Variants in RELT observed in about 807,000 individuals in gnomAD.
RELT encodes tumor necrosis factor receptor superfamily member 19L.
A neutral mutation model predicts 51.1 loss-of-function variants in RELT; 37 were observed. The ratio of observed to expected loss-of-function variants is 0.72; its 90% CI spans 0.56 to 0.95. RELT has a LOEUF of 0.95. RELT is among the 40% of genes least tolerant of loss of function. The probability of loss-of-function intolerance (pLI) is 0.00; values close to 1 mark genes in which losing one functional copy is unlikely to be tolerated. For synonymous variants in RELT, 241 were observed against 235.7 expected (o/e 1.02, Z -0.21); for missense variants, 535 against 572.6 (o/e 0.93, Z 0.67).
chr11:73,394,643 G>A lies in RELT; in HGVS notation c.955G>A (p.Val319Ile). ...TGAGGCTGTAGCCGCCACTACTCCT[G>A]TTCCCAGCCTTCTGCCTAACCCGAC... ...SPEAVAATTP[V>I]PSLLPNPTRV... The change falls in exon 9 of 11, where the codon GTT (valine) becomes ATT (isoleucine). Residue 319 changes from valine to isoleucine, a missense_variant. Physicochemically the swap from Val to Ile is conservative, Grantham distance 29 (BLOSUM62 3). Transcript: ENST00000064780. This position sits in a 1 kb window ranked among gnomAD's most constrained non-coding sequence, Gnocchi z 4.9. 2 of 1,613,842 alleles carry A rather than the reference G, an allele frequency of 1.2e-6. No individual in the cohort carries two copies. The highest frequency in any genetic ancestry group is 2.7e-5 in the African/African-American group (2 of 75,070).
chr11:73,378,638 G>A (rs960461254), intron 1 of RELT, among the ~76,000 whole-genome samples: 14 of 152,202 alleles, frequency 9.2e-5, no homozygotes, highest in South Asian at 4.1e-4. Context: ...GCTAGTAGGC[G>A]TGGCCTAGCC....
intron 1 of RELT, among the ~76,000 whole-genome samples, chr11:73,381,797 G>C (rs56931627): frequency 1.3e-5 from 2 of 152,146 alleles, no homozygotes; most frequent in African/African-American, 4.8e-5. Context: ...GCCTGTACAG[G>C]GGCTGGGACA....
In RELT at chr11:73,392,212, G is replaced by A. The variant is rs374050650; in HGVS notation, c.369G>A (p.Glu123=). The change falls in exon 6 of 11, where the codon GAG becomes GAA. Residue 123 remains glutamate, a splice_region_variant and synonymous_variant. Transcript: ENST00000064780. The part of the protein sequence containing the change: ...WAPLGTHGCD[E]WGRRARRGVE... ...GCCTCCATCGTCTGTGATGCTCAGA[G>A]TGGGGGCGGCGGGCCCGACGTGGCG... The A allele has an allele frequency of 6.2e-7, 1 of 1,611,020 alleles. No homozygotes were observed. The highest frequency in any genetic ancestry group is 8.5e-7 in the Non-Finnish European group (1 of 1,178,612).
chr11:73,381,493 G>A (rs1353830621), intron 1 of RELT, among the ~76,000 whole-genome samples: 1 of 152,158 alleles, frequency 6.6e-6, no homozygotes. Flanking sequence ...AATCAAGGGA[G>A]ACTGAAAACT....
Position 73,379,200 on chromosome 11 carries a change from C to G in RELT, c.-26+2701C>G, listed in dbSNP as rs80215789. Among the ~76,000 whole-genome samples the G allele has an allele frequency of 5.8e-3, 876 of 152,288 alleles. 8 individuals carry two copies. Among genetic ancestry groups the G allele is most frequent in the Middle Eastern group, 0.027 (8 of 294 alleles). On this transcript the variant is annotated intron_variant, in intron 1 of 10. Transcript: ENST00000064780. ...CTGTCGTGGTCTCTAGGGGCTGAGC[C>G]GGAGTTATTTCCATCCTCAACAAAG...
At position 73,390,251 on chromosome 11, in the gene RELT, G is replaced by A. The variant is rs150446670; in HGVS notation, c.46-300G>A. ...GATTCGGAAGCATTTCCTCCTCATC[G>A]TTCTGGTTAGCTGGAAGGGCTTGAG... On this transcript the variant is annotated intron_variant, in intron 2 of 10. Transcript: ENST00000064780. Among the ~76,000 whole-genome samples the A allele has an allele frequency of 6.8e-3, 1,029 of 152,262 alleles. 8 individuals are homozygous for A. Among genetic ancestry groups the A allele is most frequent in the African/African-American group, 0.022 (897 of 41,530 alleles).
intron 2 of RELT, 77 bp from the exon 3 acceptor site, chr11:73,390,474 A>G (rs929184314): frequency 7.3e-7 from 1 of 1,362,838 alleles, no homozygotes. Context: ...GTTTCAGGAA[A>G]TAGGTGGGGG....
At chr11:73,393,802 CT>C in intron 6 of RELT, 34 bp from the exon 7 acceptor site, 1 of 1,608,060 alleles carries the variant, frequency 6.2e-7, no homozygotes, top group Middle Eastern at 1.7e-4. Flanking sequence ...CGGCTTCCCC[CT>C]CTTCCCCAGG....
rs1356505800 is a variant in RELT, at chr11:73,394,859, G to C, written c.1046+125G>C. 2.5e-6 allele frequency: 3 copies of C among 1,196,406 alleles called. No individual in the cohort carries two copies. The highest frequency in any genetic ancestry group is 3.5e-6 in the Non-Finnish European group (3 of 866,242). 74.1% of individuals were successfully genotyped at this position (1,196,406 alleles called of 1,614,324 possible). A position where few individuals can be genotyped will look rare whatever the true frequency, so the allele number is the denominator to read the frequency against. On this transcript the variant is annotated intron_variant, in intron 9 of 10. Transcript: ENST00000064780. This position sits in a 1 kb window ranked among gnomAD's most constrained non-coding sequence, Gnocchi z 4.9. Reference sequence around the variant, plus strand: ...TCAATGGGAGCCCTGCCCTTATTGGGCCTCTCTGGGCAGTGGAGGCGGCCA... The same window carrying C: ...TCAATGGGAGCCCTGCCCTTATTGGCCCTCTCTGGGCAGTGGAGGCGGCCA...
At chr11:73,393,049 A>ACCCTG (rs1866245495) in intron 6 of RELT, 1 of 996,986 alleles carries the variant, frequency 1.0e-6, no homozygotes, top group Non-Finnish European at 1.2e-6. Context: ...ACTCGCACAC[A>ACCCTG]CCCTGCCCTG....
intron 1 of RELT, among the ~76,000 whole-genome samples, chr11:73,380,855 G>C (rs149752838): frequency 6.6e-6 from 1 of 152,310 alleles, no homozygotes; most frequent in East Asian, 1.9e-4. Flanking sequence ...GCAGGGATGT[G>C]GTCTCTGGAC....
chr11:73,380,553 C>T lies in RELT; in HGVS notation c.-26+4054C>T, dbSNP rs538380326. Among the ~76,000 whole-genome samples, 114 of 152,290 alleles carry T rather than the reference C, an allele frequency of 7.5e-4. 1 individual carries two copies. The highest frequency in any genetic ancestry group is 2.6e-3 in the African/African-American group (108 of 41,560). Reference sequence around the variant, plus strand: ...CAGAGAGCAGCCCTAGGCTGAGTCACGCAGCCACTTGTGTTGTAGTCAGGT... The same window carrying T: ...CAGAGAGCAGCCCTAGGCTGAGTCATGCAGCCACTTGTGTTGTAGTCAGGT... On this transcript the variant is annotated intron_variant, in intron 1 of 10. Coordinates refer to ENST00000064780, the MANE Select transcript of RELT (RefSeq NM_152222.2).
intron 1 of RELT, among the ~76,000 whole-genome samples, chr11:73,385,412 G>A (rs1407031982): frequency 2.0e-5 from 3 of 152,184 alleles, no homozygotes; most frequent in Admixed American, 6.5e-5. Context: ...GGGTCTGGCC[G>A]TGGCCTTTGC....
At chr11:73,391,360 C>A in intron 5 of RELT, 137 bp downstream of exon 5, 1 of 764,468 alleles carries the variant, frequency 1.3e-6, no homozygotes, top group Admixed American at 2.6e-5. Context: ...GGCGTGCAGC[C>A]AAAGGGTCTC....
In RELT at chr11:73,394,844, C is replaced by A; in HGVS notation, c.1046+110C>A. On this transcript the variant is annotated intron_variant, in intron 9 of 10. Coordinates refer to ENST00000064780, the MANE Select transcript of RELT (RefSeq NM_152222.2). The surrounding 1 kb of genome is among the most constrained non-coding windows in gnomAD (Gnocchi z 4.9). ...CCCTGAGCACCCTGCTCAATGGGAG[C>A]CCTGCCCTTATTGGGCCTCTCTGGG... 1.5e-6 allele frequency: 2 copies of A among 1,340,670 alleles called. No homozygotes were observed. The highest frequency in any genetic ancestry group is 2.0e-6 in the Non-Finnish European group (2 of 986,760). The allele number at this position is 1,340,670 out of a possible 1,614,324, so 83.0% of individuals were successfully genotyped here. A position where few individuals can be genotyped will look rare whatever the true frequency, so the allele number is the denominator to read the frequency against.
chr11:73,377,757 G>GTGAAT (rs1865993361), intron 1 of RELT, among the ~76,000 whole-genome samples: 1 of 151,548 alleles, frequency 6.6e-6, no homozygotes, highest in Non-Finnish European at 1.5e-5. Flanking sequence ...TGAATGGACT[G>GTGAAT]TGAATCATCA....
intron 1 of RELT, among the ~76,000 whole-genome samples, chr11:73,384,156 G>A (rs1397028811): frequency 2.6e-5 from 4 of 152,160 alleles, no homozygotes; most frequent in Admixed American, 6.5e-5. Flanking sequence ...GCAGCCTGGG[G>A]AGCCTGCTGA....
chr11:73,395,551 G>A lies in RELT; in HGVS notation c.*60G>A. 3.8e-6 allele frequency: 3 copies of A among 780,036 alleles called. No homozygotes were observed. Among genetic ancestry groups the A allele is most frequent in the Admixed American group, 1.7e-5 (1 of 58,990 alleles). The allele number at this position is 780,036 out of a possible 1,614,324, so 48.3% of individuals were successfully genotyped here. On this transcript the variant is annotated 3_prime_UTR_variant, in exon 11 of 11. Coordinates refer to ENST00000064780, the MANE Select transcript of RELT (RefSeq NM_152222.2). ...CCTGGGAGGTTCCGAAGGCTTCCTG[G>A]AGGAGGTGGAGCTGCAGCTGGGACT...
Position 73,394,534 on chromosome 11 carries a change from C to T in RELT, c.846C>T (p.His282=). ...PHICPHRHHL[H]TVQGLASLSG... ...TCTGCCCGCACCGCCACCATCTCCA[C>T]ACCGTGCAGGGCCTGGCCTCGCTCT... Residue 282 remains histidine (H), a synonymous_variant, in exon 9 of 11, where the codon CAC becomes CAT. Transcript: ENST00000064780. This position sits in a 1 kb window ranked among gnomAD's most constrained non-coding sequence, Gnocchi z 4.9. 1 of 1,611,624 alleles carries T rather than the reference C, an allele frequency of 6.2e-7. No individual in the cohort carries two copies. The highest frequency in any genetic ancestry group is 8.5e-7 in the Non-Finnish European group (1 of 1,179,954).
Sources: allele counts gnomAD v4.1 joint callset (sites outside exome capture counted in the v4.1 genomes callset), GRCh38; gene constraint gnomAD v4.1.1; non-coding constraint Gnocchi (gnomAD v3.1); transcripts MANE v1.5; gene names NCBI Gene and HGNC (gene_info 2026-07-23, HGNC 2026-07-21).